Variants in OSBP2 observed in about 807,000 individuals in gnomAD.
The protein encoded by OSBP2 is oxysterol-binding protein 2.
OSBP2 carries 66 observed loss-of-function variants against 96.0 expected under a neutral mutation model. That is an observed-to-expected ratio of 0.69 (90% CI 0.56 to 0.84). The LOEUF (loss-of-function observed/expected upper bound fraction) is 0.84, where lower values mean the gene tolerates loss of function less well. Among genes scored for constraint, OSBP2 ranks in the 40% least tolerant of loss-of-function variants. The pLI is 0.00. For synonymous variants in OSBP2, 525 were observed against 520.9 expected, an observed-to-expected ratio of 1.01 and a Z score of -0.11; for missense variants, 1,038 against 1,222.7, an observed-to-expected ratio of 0.85 and a Z score of 2.25.
At chr22:30,713,811 C>T (rs1327645551) in intron 1 of OSBP2, among the ~76,000 whole-genome samples, 1 of 152,046 alleles carries the variant, frequency 6.6e-6, no homozygotes, top group East Asian at 1.9e-4. Flanking sequence ...TTTTGGGGTA[C>T]AGGGTGATAT....
chr22:30,881,627 G>T lies in OSBP2; in HGVS notation c.1108-5799G>T. ...GGAACCTCCCCCTGCCAGTCCCTCT[G>T]CCGGGCCCCAAGCCTAATCCAGCTT... On this transcript the variant is annotated intron_variant, in intron 3 of 13. Coordinates refer to ENST00000332585, the MANE Select transcript of OSBP2 (RefSeq NM_030758.4). This position sits in a 1 kb window ranked among gnomAD's most constrained non-coding sequence, Gnocchi z 4.5. 7.7e-7 allele frequency: 1 copy of T among 1,292,342 alleles called. No homozygotes were observed. The highest frequency in any genetic ancestry group is 1.0e-6 in the Non-Finnish European group (1 of 979,814). The allele number at this position is 1,292,342 out of a possible 1,614,324, so 80.1% of individuals were successfully genotyped here. A position where few individuals can be genotyped will look rare whatever the true frequency, so the allele number is the denominator to read the frequency against.
intron 2 of OSBP2, among the ~76,000 whole-genome samples, chr22:30,805,057 C>T (rs755155269): frequency 4.6e-5 from 7 of 152,192 alleles, no homozygotes; most frequent in Non-Finnish European, 1.0e-4. Context: ...CTTAAAACCT[C>T]CTCAGTAATT....
upstream of OSBP2, chr22:30,693,978 A>AG (rs2088971860): frequency 7.6e-7 from 1 of 1,318,568 alleles, no homozygotes; most frequent in Non-Finnish European, 1.0e-6. Context: ...AAGGAAAAAA[A>AG]AAAAAAGCGG....
chr22:30,694,279 T>A, upstream of OSBP2: 1 of 1,549,598 alleles, frequency 6.5e-7, no homozygotes. Context: ...GCTCAGGAGG[T>A]GGAGGCGGTG....
At position 30,764,437 on chromosome 22, in the gene OSBP2, C is replaced by A. The variant is rs542948441; in HGVS notation, c.853+23068C>A. The A allele has an allele frequency of 3.4e-3, 3,329 of 973,342 alleles. 9 individuals are homozygous for A. Among genetic ancestry groups the A allele is most frequent in the Non-Finnish European group, 3.9e-3 (3,201 of 818,964 alleles). 60.3% of individuals were successfully genotyped at this position (973,342 alleles called of 1,614,324 possible). A position where few individuals can be genotyped will look rare whatever the true frequency, so the allele number is the denominator to read the frequency against. On this transcript the variant is annotated intron_variant, in intron 2 of 13. Coordinates refer to ENST00000332585, the MANE Select transcript of OSBP2 (RefSeq NM_030758.4). ...CCTCCTGTTCCTGTTGGGTGTGATC[C>A]CACTGAGGTGGAAATAAATTCCCAG...
chr22:30,720,473 A>T (rs984814745), intron 1 of OSBP2, among the ~76,000 whole-genome samples: 1 of 152,174 alleles, frequency 6.6e-6, no homozygotes, highest in African/African-American at 2.4e-5. Flanking sequence ...TGTCCTCACA[A>T]CATGACAGCT....
chr22:30,888,100 G>GTGAC, intron 4 of OSBP2, 123 bp from the exon 5 acceptor site: 1 of 707,146 alleles, frequency 1.4e-6, no homozygotes, highest in Non-Finnish European at 2.5e-6. Flanking sequence ...GGCTGCCCAG[G>GTGAC]TGACTGAAGC....
chr22:30,788,815 C>T (rs1487586396), intron 2 of OSBP2, among the ~76,000 whole-genome samples: 1 of 152,104 alleles, frequency 6.6e-6, no homozygotes, highest in African/African-American at 2.4e-5. Context: ...CGGGTTCAAG[C>T]GATTCTCCTG....
chr22:30,879,735 T>C (rs909247210), intron 3 of OSBP2, among the ~76,000 whole-genome samples: 1 of 152,232 alleles, frequency 6.6e-6, no homozygotes, highest in African/African-American at 2.4e-5. Flanking sequence ...AGGCACCTGC[T>C]GAGCTTGGGT....
chr22:30,840,622 G>T (rs1045851516), intron 2 of OSBP2, among the ~76,000 whole-genome samples: 2 of 152,198 alleles, frequency 1.3e-5, no homozygotes, highest in Non-Finnish European at 2.9e-5. Flanking sequence ...TGTAAGATGG[G>T]ATTGATAATA....
intron 2 of OSBP2, among the ~76,000 whole-genome samples, chr22:30,778,261 TG>T (rs1325666006): frequency 2.0e-5 from 3 of 149,866 alleles, no homozygotes; most frequent in Non-Finnish European, 4.4e-5. Context: ...TCCTAGCCAT[TG>T]CTGTTTCTTT....
At chr22:30,719,903 C>T (rs2089521467) in intron 1 of OSBP2, among the ~76,000 whole-genome samples, 2 of 152,080 alleles carry the variant, frequency 1.3e-5, no homozygotes, top group Admixed American at 1.3e-4. Flanking sequence ...CAAAAAGTGC[C>T]ATCAAGCCAA....
At chr22:30,712,217 A>G (rs1225787495) in intron 1 of OSBP2, among the ~76,000 whole-genome samples, 1 of 151,984 alleles carries the variant, frequency 6.6e-6, no homozygotes, top group East Asian at 1.9e-4. Context: ...TTCTTCTCCA[A>G]ACCTTGGGAC....
chr22:30,750,419 TG>T (rs1260029008), intron 2 of OSBP2, among the ~76,000 whole-genome samples: 1 of 152,222 alleles, frequency 6.6e-6, no homozygotes, highest in Admixed American at 6.5e-5. Context: ...GCATTGCTGG[TG>T]GGTCATGTGC....
intron 2 of OSBP2, among the ~76,000 whole-genome samples, chr22:30,813,458 G>A (rs2091038919): frequency 6.6e-6 from 1 of 151,996 alleles, no homozygotes; most frequent in Non-Finnish European, 1.5e-5. Context: ...ATAGGCGTGA[G>A]CCACTGCGCC....
In OSBP2 at chr22:30,813,755, G is replaced by T. The variant is rs1361953051; in HGVS notation, c.854-56674G>T. 2.6e-5 allele frequency among the ~76,000 whole-genome samples: 4 copies of T among 151,704 alleles called. No homozygotes were observed. In the South Asian group the frequency reaches 8.3e-4, roughly 32 times the overall value. ...CCAGCCTTGTGTAGGGCAGTGGTGT[G>T]GGGACAGCTGGTGCTGGGACCCTTA... On this transcript the variant is annotated intron_variant, in intron 2 of 13. Coordinates refer to ENST00000332585, the MANE Select transcript of OSBP2 (RefSeq NM_030758.4).
chr22:30,783,169 A>G (rs1423039792), intron 2 of OSBP2, among the ~76,000 whole-genome samples: 1 of 147,848 alleles, frequency 6.8e-6, no homozygotes, highest in Non-Finnish European at 1.5e-5. Context: ...GGTCCTATTC[A>G]TTGGTATCTC....
At chr22:30,784,652 T>C (rs1036646428) in intron 2 of OSBP2, among the ~76,000 whole-genome samples, 25 of 152,234 alleles carry the variant, frequency 1.6e-4, no homozygotes, top group African/African-American at 5.3e-4. Context: ...AAAGTGTATC[T>C]GATTTTCTCA....
intron 2 of OSBP2, among the ~76,000 whole-genome samples, chr22:30,848,081 A>G (rs879925384): frequency 1.3e-5 from 2 of 152,074 alleles, no homozygotes; most frequent in Non-Finnish European, 2.9e-5. Context: ...TTTTTTCCAT[A>G]TTAGTACACA....
Sources: gnomAD v4.1 joint callset for allele counts (sites outside exome capture counted in the v4.1 genomes callset) on GRCh38, gnomAD v4.1.1 for gene constraint, Gnocchi (gnomAD v3.1) non-coding constraint, MANE v1.5 for transcripts, NCBI Gene and HGNC (gene_info 2026-07-23, HGNC 2026-07-21) for gene names.